Variants in MFSD2B observed in about 807,000 individuals in gnomAD.
The protein encoded by MFSD2B is MFSD2 lysolipid transporter B, sphingolipid.
MFSD2B carries 56 observed loss-of-function variants against 58.4 expected under a neutral mutation model. The ratio of observed to expected loss-of-function variants is 0.96; its 90% CI spans 0.77 to 1.20. The LOEUF (loss-of-function observed/expected upper bound fraction) is 1.20. Among genes scored for constraint, MFSD2B ranks in the 50% most tolerant of loss-of-function variants. The pLI, the probability that MFSD2B is intolerant of heterozygous loss-of-function variation, is 0.00. For synonymous variants in MFSD2B, 287 were observed against 294.4 expected, an observed-to-expected ratio of 0.97 and a Z score of 0.26; for missense variants, 645 against 667.6, an observed-to-expected ratio of 0.97 and a Z score of 0.37.
chr2:24,017,280 C>G lies in MFSD2B; in HGVS notation c.472-6C>G. On this transcript the variant is annotated splice_region_variant and splice_polypyrimidine_tract_variant and intron_variant, in intron 4 of 13. Transcript: ENST00000338315. This position sits in a 1 kb window ranked among gnomAD's most constrained non-coding sequence, Gnocchi z 4.8. ...GGGGCGGTTCTAAGCTCTGCCGACGCCCCAGTTCTTCCAGGTGCCCTACAC... is the reference window on the plus strand; with the variant it reads ...GGGGCGGTTCTAAGCTCTGCCGACGGCCCAGTTCTTCCAGGTGCCCTACAC... 2 of 1,593,896 alleles carry G rather than the reference C, an allele frequency of 1.3e-6. No homozygotes were observed. The highest frequency in any genetic ancestry group is 1.7e-6 in the Non-Finnish European group (2 of 1,171,120).
chr2:24,010,231 T>C (rs962707792), intron 1 of MFSD2B, 39 bp downstream of exon 1: 3 of 1,327,530 alleles, frequency 2.3e-6, no homozygotes, highest in Non-Finnish European at 2.9e-6. Flanking sequence ...GGCTGCGTCC[T>C]CGGGGAGCTC....
intron 6 of MFSD2B, chr2:24,018,706 A>G (rs563365904): frequency 9.2e-4 from 161 of 175,590 alleles, no homozygotes; most frequent in Admixed American, 1.6e-3. Context: ...ATTAAAAAAA[A>G]TCCTTTTCTG....
Position 24,012,173 on chromosome 2 carries a change from C to CA in MFSD2B, c.97-1111dup, listed in dbSNP as rs1349841605. Among the ~76,000 whole-genome samples the CA allele has an allele frequency of 1.5e-4, 10 of 65,978 alleles. No homozygotes were observed. Among genetic ancestry groups the CA allele is most frequent in the Admixed American group, 7.6e-4 (4 of 5,270 alleles). The allele number at this position is 65,978 out of a possible 152,430, so 43.3% of individuals were successfully genotyped here. A position where few individuals can be genotyped will look rare whatever the true frequency, so the allele number is the denominator to read the frequency against. ...CAAAACACACACACACACACACACA[C>CA]ACACACAAAAACAGACAAAAAAACC... On this transcript the variant is annotated intron_variant, in intron 1 of 13. Transcript: ENST00000338315. This position sits in a 1 kb window ranked among gnomAD's most constrained non-coding sequence, Gnocchi z 4.5.
chr2:24,015,309 C>T (rs1173144082), intron 2 of MFSD2B, among the ~76,000 whole-genome samples: 2 of 151,704 alleles, frequency 1.3e-5, no homozygotes, highest in Non-Finnish European at 2.9e-5. Context: ...AAAATTAGCT[C>T]GGTGTAGAGG....
In MFSD2B at chr2:24,025,590, C is replaced by A; in HGVS notation, c.*134C>A. ...TCTCCCTGGGATGTGGAGTCTTCGG[C>A]AACGTGTCCTGAAGGGACTGGCCCG... On this transcript the variant is annotated 3_prime_UTR_variant, in exon 14 of 14. Transcript: ENST00000338315. 1 of 810,182 alleles carries A rather than the reference C, an allele frequency of 1.2e-6. No homozygotes were observed. The highest frequency in any genetic ancestry group is 1.5e-5 in the South Asian group (1 of 64,848). 50.2% of individuals were successfully genotyped at this position (810,182 alleles called of 1,614,324 possible). A position where few individuals can be genotyped will look rare whatever the true frequency, so the allele number is the denominator to read the frequency against.
At position 24,017,409 on chromosome 2, in the gene MFSD2B, CT is replaced by C; in HGVS notation, c.550+46del. On this transcript the variant is annotated intron_variant, in intron 5 of 13. Transcript: ENST00000338315. The surrounding 1 kb of genome is among the most constrained non-coding windows in gnomAD (Gnocchi z 4.8). ...TCGGGTTCCAGGGAGGCAACTGCCC[CT>C]GGGACCCCACTCCCTCTCAGTCACC... 6.3e-7 allele frequency: 1 copy of C among 1,597,098 alleles called. No homozygotes were observed. Among genetic ancestry groups the C allele is most frequent in the Non-Finnish European group, 8.5e-7 (1 of 1,172,176 alleles).
rs1709218914 is a variant in MFSD2B at position 24,017,901 on chromosome 2, AG to A, written c.681+318del. Among the ~76,000 whole-genome samples the A allele has an allele frequency of 6.6e-6, 1 of 152,092 alleles. No homozygotes were observed. The highest frequency in any genetic ancestry group is 1.5e-5 in the Non-Finnish European group (1 of 68,004). On this transcript the variant is annotated intron_variant, in intron 6 of 13. Coordinates refer to ENST00000338315, the MANE Select transcript of MFSD2B (RefSeq NM_001346880.2). The surrounding 1 kb of genome is among the most constrained non-coding windows in gnomAD (Gnocchi z 4.8). The stretch of plus-strand genomic sequence containing the variant: ...GGAAAGCCGCAGGACAGGCTAGGGG[AG>A]GGGGCAGCAGAGGGGTCTGCTGTCC...
At position 24,012,427 on chromosome 2, in the gene MFSD2B, A is replaced by G. The variant is rs183143729; in HGVS notation, c.97-858A>G. Among the ~76,000 whole-genome samples the G allele has an allele frequency of 3.5e-4, 53 of 152,244 alleles. No individual in the cohort carries two copies. Among genetic ancestry groups the G allele is most frequent in the African/African-American group, 1.2e-3 (51 of 41,546 alleles). On this transcript the variant is annotated intron_variant, in intron 1 of 13. Coordinates refer to ENST00000338315, the MANE Select transcript of MFSD2B (RefSeq NM_001346880.2). The surrounding 1 kb of genome is among the most constrained non-coding windows in gnomAD (Gnocchi z 4.5). ...CCTGGCTAATTTTTGTGTTTCTAGT[A>G]GAGATGGGGTTTTGCCATGTTGGGC...
chr2:24,016,988 G>C lies in MFSD2B; in HGVS notation c.471+20G>C. On this transcript the variant is annotated intron_variant, in intron 4 of 13. Transcript: ENST00000338315. ...GCCACGGTAAGCAGGGCCCCTTCCT[G>C]GGCCTGTGCTCTGGCGAAGCCCATT... is the stretch of plus-strand genomic sequence containing the variant. The C allele has an allele frequency of 6.2e-7, 1 of 1,613,028 alleles. No homozygotes were observed. The highest frequency in any genetic ancestry group is 1.1e-5 in the South Asian group (1 of 91,090).
rs1662807471 is a variant in MFSD2B, at chr2:24,021,954, T to C, written c.878T>C (p.Ile293Thr). 7 of 1,614,020 alleles carry C rather than the reference T, an allele frequency of 4.3e-6. No homozygotes were observed. The highest frequency in any genetic ancestry group is 5.9e-6 in the Non-Finnish European group (7 of 1,179,882). ...AAGCTGGTGATCTCCTTCCTGTTCA[T>C]CTCTGCTGCTGTTCAGGTACCTCTG... is the stretch of plus-strand genomic sequence containing the variant. ...YLKLVISFLF[I>T]SAAVQVEQSY... The change falls in exon 8 of 14, where the codon ATC becomes ACC. Residue 293 changes from isoleucine (I) to threonine (T), a missense_variant. By Grantham distance (89) the Ile-to-Thr change is moderately conservative. Coordinates refer to ENST00000338315, the MANE Select transcript of MFSD2B (RefSeq NM_001346880.2). The surrounding 1 kb of genome is among the most constrained non-coding windows in gnomAD (Gnocchi z 5.7).
rs1709138319 is a variant in MFSD2B, at chr2:24,016,173, G to T, written c.240G>T (p.Val80=). ...TGTTTCAGATCCCTGCCGCCCAGGT[G>T]TCACTTGTTCTGTTTGGGGGAAAAG... is the stretch of plus-strand genomic sequence containing the variant. ...LDIAQIPAAQ[V]SLVLFGGKVS... Residue 80 remains valine (V), a synonymous_variant, in exon 3 of 14, where the codon GTG becomes GTT. Coordinates refer to ENST00000338315, the MANE Select transcript of MFSD2B (RefSeq NM_001346880.2). The T allele has an allele frequency of 6.2e-7, 1 of 1,613,786 alleles. No individual in the cohort carries two copies. Among genetic ancestry groups the T allele is most frequent in the South Asian group, 1.1e-5 (1 of 91,074 alleles).
At position 24,014,867 on chromosome 2, in the gene MFSD2B, C is replaced by G. The variant is rs1161383506; in HGVS notation, c.223-1289C>G. On this transcript the variant is annotated intron_variant, in intron 2 of 13. Transcript: ENST00000338315. ...GAGCATGGTGGCTCACAGCTGTAAT[C>G]CCAGCACTTTGCGAGGCCGAGGAGG... Among the ~76,000 whole-genome samples, 3 of 151,396 alleles carry G rather than the reference C, an allele frequency of 2.0e-5. No homozygotes were observed. The East Asian group carries it at 5.9e-4, about 30-fold the overall frequency.
Position 24,024,191 on chromosome 2 carries a change from TGCTGG to T in MFSD2B, c.1414_1418del (p.Gly472LeufsTer67). ...GCGCCGTGCCCACCTGCATGATCCTTGCTGGGCTCTGCATCCTCATGGTCGGCTCC... is the reference window on the plus strand; with the variant it reads ...GCGCCGTGCCCACCTGCATGATCCTTGCTCTGCATCCTCATGGTCGGCTCC... On this transcript the variant is annotated frameshift_variant, in exon 13 of 14. Coordinates refer to ENST00000338315, the MANE Select transcript of MFSD2B (RefSeq NM_001346880.2). LOFTEE classifies it high-confidence loss of function. This position sits in a 1 kb window ranked among gnomAD's most constrained non-coding sequence, Gnocchi z 4.3. 6.2e-7 allele frequency: 1 copy of T among 1,613,748 alleles called. No homozygotes were observed. The highest frequency in any genetic ancestry group is 1.3e-5 in the African/African-American group (1 of 75,034).
rs756837935 is a variant in MFSD2B, at chr2:24,022,163, G to C, written c.894+193G>C. ...GAGGGCCAGGGCCTGGGCACTAGGAGGCTGACAATGTCTGGGCGGTTTCCT... is the reference window on the plus strand; with the variant it reads ...GAGGGCCAGGGCCTGGGCACTAGGACGCTGACAATGTCTGGGCGGTTTCCT... On this transcript the variant is annotated intron_variant, in intron 8 of 13. Transcript: ENST00000338315. The surrounding 1 kb of genome is among the most constrained non-coding windows in gnomAD (Gnocchi z 4.5). Among the ~76,000 whole-genome samples the C allele has an allele frequency of 6.6e-6, 1 of 152,128 alleles. No individual in the cohort carries two copies. Among genetic ancestry groups the C allele is most frequent in the Non-Finnish European group, 1.5e-5 (1 of 68,018 alleles).
At chr2:24,010,276 G>C (rs1005057332) in intron 1 of MFSD2B, 84 bp downstream of exon 1, 2 of 1,134,076 alleles carry the variant, frequency 1.8e-6, no homozygotes, top group Non-Finnish European at 2.3e-6. Flanking sequence ...TTCCAGCTGG[G>C]GGCAGCCCGG....
Position 24,017,535 on chromosome 2 carries a change from C to A in MFSD2B, c.628C>A (p.His210Asn). The part of the protein sequence containing the change: ...GLIVSGAHRP[H>N]RCEATATPGP... The stretch of plus-strand genomic sequence containing the variant: ...CATCGTGTCCGGCGCCCACAGACCC[C>A]ACAGGTGCGAGGCCACTGCGACCCC... The change falls in exon 6 of 14, where the codon CAC becomes AAC. Residue 210 changes from histidine to asparagine, a missense_variant. Coordinates refer to ENST00000338315, the MANE Select transcript of MFSD2B (RefSeq NM_001346880.2). This position sits in a 1 kb window ranked among gnomAD's most constrained non-coding sequence, Gnocchi z 4.8. The A allele has an allele frequency of 6.3e-7, 1 of 1,575,818 alleles. No homozygotes were observed.
At chr2:24,016,115 G>T in intron 2 of MFSD2B, 41 bp from the exon 3 acceptor site, 2 of 1,610,730 alleles carry the variant, frequency 1.2e-6, no homozygotes, top group Non-Finnish European at 1.7e-6. Flanking sequence ...CTCTGCTGCT[G>T]CTGGGCCTCA....
intron 2 of MFSD2B, among the ~76,000 whole-genome samples, chr2:24,015,379 G>A (rs1709104033): frequency 6.6e-6 from 1 of 152,072 alleles, no homozygotes; most frequent in Non-Finnish European, 1.5e-5. Flanking sequence ...CTGAGCCCAA[G>A]AGGCAGTGGT....
intron 2 of MFSD2B, among the ~76,000 whole-genome samples, chr2:24,015,864 G>T (rs1709124393): frequency 6.6e-6 from 1 of 152,212 alleles, no homozygotes; most frequent in African/African-American, 2.4e-5. Context: ...ACCTCTGTCA[G>T]CCCAGAGGCA....
Sources: allele counts gnomAD v4.1 joint callset (sites outside exome capture counted in the v4.1 genomes callset), GRCh38; gene constraint gnomAD v4.1.1; non-coding constraint Gnocchi (gnomAD v3.1); transcripts MANE v1.5; gene names NCBI Gene and HGNC (gene_info 2026-07-23, HGNC 2026-07-21).